Variants in MYOF observed in about 807,000 individuals in gnomAD.
MYOF encodes fer-1-like 3, myoferlin.
A neutral mutation model predicts 284.2 loss-of-function variants in MYOF; 244 were observed. That is an observed-to-expected ratio of 0.86 (90% confidence interval 0.77 to 0.95). MYOF has a LOEUF of 0.95. Ranked by LOEUF, MYOF falls within the 40% of genes least tolerant of loss-of-function variation. The pLI, the probability that MYOF is intolerant of heterozygous loss-of-function variation, is 0.00. For missense variants in MYOF, 2,496 were observed against 2,560.6 expected, an observed-to-expected ratio of 0.97 and a Z score of 0.54; for synonymous variants, 904 against 919.7, an observed-to-expected ratio of 0.98 and a Z score of 0.31.
At chr10:93,406,566 C>CT (rs1036272325) in intron 7 of MYOF, among the ~76,000 whole-genome samples, 8 of 92,772 alleles carry the variant, frequency 8.6e-5, no homozygotes, top group African/African-American at 2.1e-4. Context: ...TGCCTCCTCC[C>CT]CACCCATCCA....
chr10:93,334,686 G>A (rs1425603759), intron 41 of MYOF, among the ~76,000 whole-genome samples: 8 of 152,086 alleles, frequency 5.3e-5, no homozygotes, highest in African/African-American at 1.9e-4. Flanking sequence ...CACTGAAGCC[G>A]GATTCAGAAC....
In MYOF at chr10:93,462,321, C is replaced by T. The variant is rs182528707; in HGVS notation, c.89-5384G>A. 1.2e-3 allele frequency among the ~76,000 whole-genome samples: 184 copies of T among 152,266 alleles called. 1 individual carries two copies. The highest frequency in any genetic ancestry group is 3.9e-3 in the African/African-American group (164 of 41,546). On this transcript the variant is annotated intron_variant, in intron 1 of 53. Coordinates refer to ENST00000359263, the MANE Select transcript of MYOF (RefSeq NM_013451.4). ...CTGACCTCAAGTGATCCGCTCACCT[C>T]GGCCTCCCAAAGTGCTGGGATTACA... is the stretch of plus-strand genomic sequence containing the variant.
At chr10:93,442,122 G>A (rs1338067615) in intron 3 of MYOF, among the ~76,000 whole-genome samples, 2 of 151,754 alleles carry the variant, frequency 1.3e-5, no homozygotes, top group Non-Finnish European at 2.9e-5. Flanking sequence ...TCCACTTAAA[G>A]AGCTGAGTGA....
chr10:93,340,356 C>A, intron 38 of MYOF, 192 bp from the exon 39 acceptor site: 1 of 570,858 alleles, frequency 1.8e-6, no homozygotes, highest in Non-Finnish European at 3.1e-6. Context: ...CACAACTGAA[C>A]CCACCTTACT....
intron 41 of MYOF, among the ~76,000 whole-genome samples, chr10:93,335,673 G>A (rs1465310201): frequency 6.7e-6 from 1 of 149,600 alleles, no homozygotes; most frequent in African/African-American, 2.4e-5. Flanking sequence ...GAGATGCGGA[G>A]ATGGCTCGAG....
rs765067177 is a variant in MYOF, at chr10:93,329,652, A to C, written c.4982+12T>G. ...GCAGCAAAGTGCCTCTTGTACAGTCAAAGCAACTTACACACAGTACTCCTC... is the reference window on the plus strand; with the variant it reads ...GCAGCAAAGTGCCTCTTGTACAGTCCAAGCAACTTACACACAGTACTCCTC... On this transcript the variant is annotated intron_variant, in intron 44 of 53. Transcript: ENST00000359263. The C allele has an allele frequency of 1.9e-6, 3 of 1,613,380 alleles. No individual in the cohort carries two copies. The highest frequency in any genetic ancestry group is 3.3e-5 in the Admixed American group (2 of 60,006).
intron 31 of MYOF, 100 bp from the exon 32 acceptor site, chr10:93,353,988 T>A: frequency 1.1e-6 from 1 of 900,346 alleles, no homozygotes; most frequent in Non-Finnish European, 1.7e-6. Flanking sequence ...GATAAATGGG[T>A]CACTTGAATC....
chr10:93,378,993 G>A (rs1845990583), intron 21 of MYOF, among the ~76,000 whole-genome samples: 2 of 151,910 alleles, frequency 1.3e-5, no homozygotes, highest in Admixed American at 6.6e-5. Flanking sequence ...TGGGATTACT[G>A]GCGTGAGCCA....
At chr10:93,361,395 TG>T in intron 28 of MYOF, 56 bp downstream of exon 28, 1 of 1,555,044 alleles carries the variant, frequency 6.4e-7, no homozygotes, top group Non-Finnish European at 8.8e-7. Flanking sequence ...AACTTTATCC[TG>T]GTTAACCAAG....
At chr10:93,363,878 C>G (rs1845193485) in intron 27 of MYOF, 83 bp downstream of exon 27, 3 of 1,268,126 alleles carry the variant, frequency 2.4e-6, no homozygotes, top group Non-Finnish European at 3.4e-6. Flanking sequence ...AGGTTAAAGC[C>G]CAAGCCAGGT....
chr10:93,337,706 T>C (rs1843679816), intron 40 of MYOF, 109 bp downstream of exon 40: 1 of 835,842 alleles, frequency 1.2e-6, no homozygotes, highest in East Asian at 2.5e-5. Flanking sequence ...TCCTGGGCCC[T>C]GCTCATTAGC....
intron 1 of MYOF, among the ~76,000 whole-genome samples, chr10:93,464,970 G>C (rs146363098): frequency 1.3e-5 from 2 of 152,140 alleles, no homozygotes; most frequent in Non-Finnish European, 2.9e-5. Context: ...CTGCCATTTT[G>C]CCTAACATTT....
intron 31 of MYOF, among the ~76,000 whole-genome samples, chr10:93,354,668 T>TCTCTCA (rs1844706807): frequency 8.1e-6 from 1 of 123,476 alleles, no homozygotes; most frequent in African/African-American, 2.9e-5. Context: ...ACACATTCAC[T>TCTCTCA]CTCTCTCTCT....
chr10:93,433,282 C>T (rs553671837), intron 3 of MYOF, among the ~76,000 whole-genome samples: 111 of 152,234 alleles, frequency 7.3e-4, no homozygotes, highest in Admixed American at 1.7e-3. Flanking sequence ...CTTAGCCCCT[C>T]GAGTAGCTGG....
chr10:93,319,731 G>A, intron 49 of MYOF, 141 bp downstream of exon 49: 2 of 1,129,632 alleles, frequency 1.8e-6, no homozygotes, highest in Non-Finnish European at 2.5e-6. Context: ...CAAGTGTCAA[G>A]GTGGCAGATT....
At chr10:93,472,047 C>T (rs2057158602) in intron 1 of MYOF, among the ~76,000 whole-genome samples, 1 of 152,204 alleles carries the variant, frequency 6.6e-6, no homozygotes, top group Admixed American at 6.5e-5. Flanking sequence ...AAGAGGCCAC[C>T]AGGCTCTTTC....
At chr10:93,312,666 A>G (rs1842441513) in intron 51 of MYOF, among the ~76,000 whole-genome samples, 1 of 151,964 alleles carries the variant, frequency 6.6e-6, no homozygotes, top group East Asian at 1.9e-4. Context: ...TTAATGAGAA[A>G]AATTCAAATG....
At chr10:93,409,781 C>A in intron 5 of MYOF, 42 bp from the exon 6 acceptor site, 1 of 1,601,922 alleles carries the variant, frequency 6.2e-7, no homozygotes, top group Middle Eastern at 1.7e-4. Context: ...TAGCCCTTAT[C>A]CTGTAAATGT....
chr10:93,369,959 C>A (rs1242071887), intron 24 of MYOF, among the ~76,000 whole-genome samples, 183 bp from the exon 25 acceptor site: 1 of 152,192 alleles, frequency 6.6e-6, no homozygotes, highest in African/African-American at 2.4e-5. Flanking sequence ...ATTAAAGCAG[C>A]AGATCTCACA....
Sources: gnomAD v4.1 joint callset for allele counts (sites outside exome capture counted in the v4.1 genomes callset) on GRCh38, gnomAD v4.1.1 for gene constraint, MANE v1.5 for transcripts, NCBI Gene and HGNC (gene_info 2026-07-23, HGNC 2026-07-21) for gene names.